ARHGEF28: variants seen among roughly 807,000 people sequenced by gnomAD.
The protein encoded by ARHGEF28 is 190 kDa guanine nucleotide exchange factor.
ARHGEF28 carries 152 observed loss-of-function variants against 206.6 expected under a neutral mutation model. The observed-to-expected ratio is 0.74, with a 90% CI of 0.64 to 0.84. The LOEUF is 0.84. ARHGEF28 is among the 40% of genes least tolerant of loss of function. The probability of loss-of-function intolerance (pLI) is 0.00; values close to 1 mark genes in which losing one functional copy is unlikely to be tolerated. For missense variants in ARHGEF28, 2,028 were observed against 2,073.2 expected (o/e 0.98, Z 0.42); for synonymous variants, 763 against 776.4 (o/e 0.98, Z 0.29).
rs535683629 is a variant in ARHGEF28 at position 73,689,260 on chromosome 5, A to T, written c.33+4376A>T. Among the ~76,000 whole-genome samples, 1,210 of 152,226 alleles carry T rather than the reference A, an allele frequency of 7.9e-3. 5 individuals are homozygous for T. The highest frequency in any genetic ancestry group is 0.012 in the Non-Finnish European group (836 of 68,014). Reference sequence around the variant, plus strand: ...GGCTCATTTCTGTTTGCTCATTTTTAGGAAGGAGACTCTATTTTCTTCTTG... The same window carrying T: ...GGCTCATTTCTGTTTGCTCATTTTTTGGAAGGAGACTCTATTTTCTTCTTG... On this transcript the variant is annotated intron_variant, in intron 2 of 35. Transcript: ENST00000513042.
chr5:73,679,458 T>G (rs1391774108), intron 1 of ARHGEF28, among the ~76,000 whole-genome samples: 3 of 151,956 alleles, frequency 2.0e-5, no homozygotes, highest in African/African-American at 7.3e-5. Context: ...TCCCAGCCAT[T>G]TGGGAGGCTG....
At chr5:73,644,303 G>T (rs577706185) in intron 1 of ARHGEF28, among the ~76,000 whole-genome samples, 1 of 152,194 alleles carries the variant, frequency 6.6e-6, no homozygotes, top group Non-Finnish European at 1.5e-5. Context: ...AATTTCTGTG[G>T]AATTCTTCCT....
chr5:73,852,799 G>A, intron 14 of ARHGEF28, 107 bp downstream of exon 14: 1 of 1,206,872 alleles, frequency 8.3e-7, no homozygotes, highest in Middle Eastern at 1.9e-4. Context: ...AGGTTTCCAT[G>A]TAACAAGCCT....
At chr5:73,626,483 C>G (rs895540536) in intron 1 of ARHGEF28, among the ~76,000 whole-genome samples, 161 bp downstream of exon 1, 1 of 152,012 alleles carries the variant, frequency 6.6e-6, no homozygotes, top group Non-Finnish European at 1.5e-5. Context: ...CGCTGCGGCG[C>G]GAGGGCTGGG....
At chr5:73,845,811 A>G (rs1256227983) in intron 11 of ARHGEF28, among the ~76,000 whole-genome samples, 4 of 151,900 alleles carry the variant, frequency 2.6e-5, no homozygotes, top group Admixed American at 2.6e-4. Context: ...CCTGGGCAAC[A>G]TGGCAAAAAA....
chr5:73,901,174 G>T lies in ARHGEF28; in HGVS notation c.3974-10G>T. The T allele has an allele frequency of 6.2e-7, 1 of 1,610,880 alleles. No individual in the cohort carries two copies. Among genetic ancestry groups the T allele is most frequent in the Non-Finnish European group, 8.5e-7 (1 of 1,178,424 alleles). ...TCCTTTTTGTTTCTGTCTCGATGGC[G>T]TGCTTCCAGCATTAGTCACAGGAGG... On this transcript the variant is annotated splice_polypyrimidine_tract_variant and intron_variant, in intron 30 of 35. Coordinates refer to ENST00000513042, the MANE Select transcript of ARHGEF28 (RefSeq NM_001177693.2).
At chr5:73,903,380 CTA>C (rs1212116846) in intron 31 of ARHGEF28, 1 of 152,112 alleles carries the variant, frequency 6.6e-6, no homozygotes, top group African/African-American at 2.4e-5. Context: ...AGTGTCCGTG[CTA>C]TGTCAAGCAT....
chr5:73,931,771 T>G (rs1000023424), intron 35 of ARHGEF28, among the ~76,000 whole-genome samples: 8 of 152,220 alleles, frequency 5.3e-5, no homozygotes, highest in African/African-American at 1.9e-4. Flanking sequence ...TCCTGAGTTG[T>G]GTTGTTTTCT....
chr5:73,719,454 ACT>A (rs1749792012), intron 2 of ARHGEF28, among the ~76,000 whole-genome samples: 1 of 151,184 alleles, frequency 6.6e-6, no homozygotes, highest in African/African-American at 2.4e-5. Flanking sequence ...AATTTTTCAA[ACT>A]CTGTTCTTCA....
intron 35 of ARHGEF28, among the ~76,000 whole-genome samples, chr5:73,940,602 A>G (rs544629783): frequency 6.6e-6 from 1 of 152,334 alleles, no homozygotes; most frequent in African/African-American, 2.4e-5. Flanking sequence ...GCGGTTTAAG[A>G]TCCCATGAAC....
chr5:73,768,898 G>A (rs183863732), intron 4 of ARHGEF28, among the ~76,000 whole-genome samples: 44 of 151,970 alleles, frequency 2.9e-4, no homozygotes, highest in Admixed American at 2.8e-3. Flanking sequence ...TGAATTATGG[G>A]GATGGGTCTT....
chr5:73,883,939 G>T (rs754595107), intron 24 of ARHGEF28, 55 bp downstream of exon 24: 91 of 1,115,916 alleles, frequency 8.2e-5, no homozygotes, highest in Non-Finnish European at 1.1e-4. Flanking sequence ...TTTAAACACA[G>T]TTGAGGTGTT....
At chr5:73,811,591 A>G (rs1408636620) in intron 9 of ARHGEF28, among the ~76,000 whole-genome samples, 2 of 152,330 alleles carry the variant, frequency 1.3e-5, no homozygotes, top group East Asian at 1.9e-4. Context: ...TTAAAGATCC[A>G]TATGGACTAA....
Position 73,940,835 on chromosome 5 carries a change from T to C in ARHGEF28, c.4949-9T>C, listed in dbSNP as rs1742563411. 1 of 1,480,328 alleles carries C rather than the reference T, an allele frequency of 6.8e-7. No homozygotes were observed. The highest frequency in any genetic ancestry group is 8.9e-7 in the Non-Finnish European group (1 of 1,124,282). The allele number at this position is 1,480,328 out of a possible 1,614,324, so 91.7% of individuals were successfully genotyped here. A position where few individuals can be genotyped will look rare whatever the true frequency, so the allele number is the denominator to read the frequency against. ...GCCTCCTGTAACCTGTGCTGTCTGT[T>C]TCTTGCAGATTTGGACACCTCCCAC... On this transcript the variant is annotated splice_polypyrimidine_tract_variant and intron_variant, in intron 35 of 35. Transcript: ENST00000513042.
At chr5:73,723,985 C>T (rs1245839017) in intron 2 of ARHGEF28, among the ~76,000 whole-genome samples, 2 of 152,228 alleles carry the variant, frequency 1.3e-5, no homozygotes, top group East Asian at 1.9e-4. Context: ...CTCTCAAGCT[C>T]CTTGGAATCC....
chr5:73,740,006 CAA>C (rs1163854911), intron 2 of ARHGEF28, among the ~76,000 whole-genome samples: 7 of 124,534 alleles, frequency 5.6e-5, no homozygotes, highest in Admixed American at 8.1e-5. Flanking sequence ...TTGTCTCTAC[CAA>C]AAAAAAAAAA....
intron 2 of ARHGEF28, among the ~76,000 whole-genome samples, chr5:73,697,209 G>T (rs184180006): frequency 1.2e-4 from 19 of 152,334 alleles, no homozygotes; most frequent in African/African-American, 4.6e-4. Context: ...CAGACAGGAA[G>T]TTCCTGAAGA....
intron 2 of ARHGEF28, among the ~76,000 whole-genome samples, chr5:73,744,755 C>G (rs1192258578): frequency 6.6e-6 from 1 of 151,902 alleles, no homozygotes; most frequent in African/African-American, 2.4e-5. Flanking sequence ...TACTAGAATC[C>G]ATTGGAAGAT....
At chr5:73,662,109 G>C (rs890644492) in intron 1 of ARHGEF28, among the ~76,000 whole-genome samples, 4 of 152,148 alleles carry the variant, frequency 2.6e-5, no homozygotes, top group Non-Finnish European at 5.9e-5. Flanking sequence ...TTAGTTTCTT[G>C]GATTACATTT....
Sources: allele counts gnomAD v4.1 joint callset (sites outside exome capture counted in the v4.1 genomes callset), GRCh38; gene constraint gnomAD v4.1.1; transcripts MANE v1.5; gene names NCBI Gene and HGNC (gene_info 2026-07-23, HGNC 2026-07-21).